Variants in KIF4A observed in about 807,000 individuals in gnomAD.
KIF4A encodes the protein chromosome-associated kinesin KIF4A.
Under a neutral mutation model 105.9 loss-of-function variants are expected in KIF4A, and 7 were observed. That is an observed-to-expected ratio of 0.07 (90% CI 0.04 to 0.12). The LOEUF is 0.12. Ranked by LOEUF, KIF4A falls within the 10% of genes least tolerant of loss-of-function variation. The probability of loss-of-function intolerance (pLI) is 1.00; values close to 1 mark genes in which losing one functional copy is unlikely to be tolerated. For synonymous variants in KIF4A, 281 were observed against 331.3 expected (o/e 0.85, Z 1.65); for missense variants, 558 against 929.2 (o/e 0.60, Z 5.19).
chrX:70,351,304 A>G (rs1211567592), intron 13 of KIF4A, among the ~76,000 whole-genome samples: 1 of 111,430 alleles, frequency 9.0e-6, no homozygotes, highest in Non-Finnish European at 1.9e-5. Context: ...CCATCCCCCA[A>G]CCCTTTCACT....
chrX:70,375,970 A>C, intron 17 of KIF4A, 130 bp from the exon 18 acceptor site: 2 of 434,042 alleles, frequency 4.6e-6, no homozygotes, highest in Non-Finnish European at 8.1e-6. Context: ...CTAATCAGGG[A>C]ATCTGTTGGG....
chrX:70,392,970 T>TA (rs2086243655), intron 20 of KIF4A, among the ~76,000 whole-genome samples: 2 of 107,439 alleles, frequency 1.9e-5, no homozygotes, highest in African/African-American at 6.7e-5. Flanking sequence ...TTTTTTTTTT[T>TA]ACTTCTGCAT....
intron 7 of KIF4A, among the ~76,000 whole-genome samples, chrX:70,311,823 A>G (rs1262069114): frequency 9.1e-6 from 1 of 109,327 alleles, no homozygotes; most frequent in Non-Finnish European, 1.9e-5. Flanking sequence ...TAAAATAGCC[A>G]GGTGTGGTGG....
At chrX:70,396,611 C>A (rs1380858231) in intron 22 of KIF4A, among the ~76,000 whole-genome samples, 1 of 111,285 alleles carries the variant, frequency 9.0e-6, no homozygotes, top group Non-Finnish European at 1.9e-5. Flanking sequence ...AGATGTAGAA[C>A]CAATAACAGA....
intron 7 of KIF4A, among the ~76,000 whole-genome samples, chrX:70,309,146 G>A: frequency 8.9e-6 from 1 of 111,881 alleles, no homozygotes; most frequent in Non-Finnish European, 1.9e-5. Flanking sequence ...GGGTATACAC[G>A]TTTGAGTAAA....
chrX:70,299,262 C>A, intron 5 of KIF4A, 60 bp downstream of exon 5: 1 of 951,099 alleles, frequency 1.1e-6, no homozygotes, highest in South Asian at 2.5e-5. Context: ...TACTAAAGTT[C>A]ACATCCCTTT....
At position 70,352,670 on chromosome X, in the gene KIF4A, C is replaced by T. The variant is rs769162907; in HGVS notation, c.1488+14C>T. The T allele has an allele frequency of 1.8e-4, 202 of 1,143,090 alleles. 1 individual carries two copies. The East Asian group carries it at 6.0e-3, about 34-fold the overall frequency. 94.2% of individuals were successfully genotyped at this position (1,143,090 alleles called of 1,213,427 possible). A position where few individuals can be genotyped will look rare whatever the true frequency, so the allele number is the denominator to read the frequency against. Reference sequence around the variant, plus strand: ...GAGCAAGAAGCCGTAAGTAATTGGCCCCTTTGTGTAGAACCAGGAGCTCTA... The same window carrying T: ...GAGCAAGAAGCCGTAAGTAATTGGCTCCTTTGTGTAGAACCAGGAGCTCTA... On this transcript the variant is annotated intron_variant, in intron 14 of 30. Coordinates refer to ENST00000374403, the MANE Select transcript of KIF4A (RefSeq NM_012310.5).
intron 7 of KIF4A, among the ~76,000 whole-genome samples, chrX:70,316,060 G>T (rs772370326): frequency 9.0e-6 from 1 of 111,474 alleles, no homozygotes. Flanking sequence ...CACCTACTTG[G>T]CTTAAGAACA....
In KIF4A at chrX:70,420,113, C is replaced by T. The variant is rs776704047; in HGVS notation, c.3547C>T (p.Pro1183Ser). The change falls in exon 31 of 31, where the codon CCA becomes TCA. Residue 1183 changes from proline (P) to serine (S), a missense_variant. Physicochemically the swap from Pro to Ser is moderately conservative, Grantham distance 74 (BLOSUM62 -1). Coordinates refer to ENST00000374403, the MANE Select transcript of KIF4A (RefSeq NM_012310.5). Reference protein sequence around the residue: ...VEQVLSKKTPPAPSPFDLPEL... With the variant: ...VEQVLSKKTPSAPSPFDLPEL... ...GCAGGTGCTGTCAAAGAAGACTCCC[C>T]CAGCTCCCTCCCCTTTTGACCTCCC... The T allele has an allele frequency of 4.4e-5, 53 of 1,208,981 alleles. No individual in the cohort carries two copies. The highest frequency in any genetic ancestry group is 3.5e-4 in the South Asian group (20 of 56,672).
intron 5 of KIF4A, among the ~76,000 whole-genome samples, chrX:70,301,004 G>A (rs1434868481): frequency 2.7e-5 from 3 of 111,887 alleles, no homozygotes; most frequent in Non-Finnish European, 3.8e-5. Context: ...AACTAGGCAA[G>A]TAGATGTGTA....
chrX:70,376,893 T>C (rs1486750073), intron 18 of KIF4A, among the ~76,000 whole-genome samples: 2 of 111,675 alleles, frequency 1.8e-5, no homozygotes, highest in East Asian at 5.6e-4. Context: ...CAAACTGTAA[T>C]ATTGAGAAAC....
At chrX:70,292,049 G>A (rs904614198) in intron 3 of KIF4A, among the ~76,000 whole-genome samples, 5 of 111,672 alleles carry the variant, frequency 4.5e-5, no homozygotes, top group Admixed American at 2.9e-4. Flanking sequence ...AATTTCAAAC[G>A]TATAGAATGT....
rs1470975175 is a variant in KIF4A at position 70,373,516 on chromosome X, GTGTGTATGTATATATATA to G, written c.1675-633_1675-616del. Among the ~76,000 whole-genome samples the G allele has an allele frequency of 4.7e-4, 5 of 10,709 alleles. 1 individual carries two copies. The highest frequency in any genetic ancestry group is 8.0e-4 in the Non-Finnish European group (3 of 3,729). 9.3% of individuals were successfully genotyped at this position (10,709 alleles called of 115,157 possible). On this transcript the variant is annotated intron_variant, in intron 15 of 30. Coordinates refer to ENST00000374403, the MANE Select transcript of KIF4A (RefSeq NM_012310.5). ...CTGGGCAACATATATATATACATGT[GTGTGTATGTATATATATA>G]TATATATATATATATATATATACGT...
At chrX:70,290,637 G>T in intron 2 of KIF4A, 54 bp from the exon 3 acceptor site, 1 of 1,206,029 alleles carries the variant, frequency 8.3e-7, no homozygotes, top group Non-Finnish European at 1.1e-6. Flanking sequence ...GTAACGAGGG[G>T]TGTGGTCTTG....
rs1346539087 is a variant in KIF4A at position 70,420,228 on chromosome X, T to G, written c.3662T>G (p.Phe1221Cys). The change falls in exon 31 of 31, where the codon TTC (phenylalanine) becomes TGC (cysteine). Residue 1221 changes from phenylalanine (F) to cysteine (C), a missense_variant. Phe to Cys is a radical substitution (Grantham distance 205). This residue lies in a region of KIF4A where 469 missense variants were observed against 680.4 expected (regional missense o/e 0.69). Transcript: ENST00000374403. ...GCTCTGGCCAGCAACACCAGCTTCTTCTCTGGCTGCTCCCCTATCGAAGAA... is the reference window on the plus strand; with the variant it reads ...GCTCTGGCCAGCAACACCAGCTTCTGCTCTGGCTGCTCCCCTATCGAAGAA... ...KRALASNTSF[F>C]SGCSPIEEEA... 1.7e-6 allele frequency: 2 copies of G among 1,210,351 alleles called. No homozygotes were observed. Among genetic ancestry groups the G allele is most frequent in the Non-Finnish European group, 2.2e-6 (2 of 895,241 alleles).
intron 28 of KIF4A, 138 bp downstream of exon 28, chrX:70,407,213 T>C (rs1477552335): frequency 1.5e-6 from 1 of 655,673 alleles, no homozygotes; most frequent in African/African-American, 2.3e-5. Flanking sequence ...GTTCAAGTAA[T>C]TCTCGTGTCT....
intron 7 of KIF4A, among the ~76,000 whole-genome samples, chrX:70,324,585 G>A (rs926589751): frequency 3.6e-5 from 4 of 110,856 alleles, no homozygotes; most frequent in African/African-American, 1.3e-4. Context: ...TCAGAGATCT[G>A]TCATCTGAAC....
intron 28 of KIF4A, among the ~76,000 whole-genome samples, chrX:70,408,707 A>C (rs1159387849): frequency 8.9e-6 from 1 of 112,462 alleles, no homozygotes; most frequent in Non-Finnish European, 1.9e-5. Context: ...ATCATCAAGA[A>C]TGCAACATAT....
In KIF4A at chrX:70,352,587, T is replaced by C; in HGVS notation, c.1432-13T>C. On this transcript the variant is annotated splice_polypyrimidine_tract_variant and intron_variant, in intron 13 of 30. Transcript: ENST00000374403. Reference sequence around the variant, plus strand: ...CAGACTCTTTCCCTAAACCAAAACATTTGTTACTGCAGGATGAAACTGTTG... The same window carrying C: ...CAGACTCTTTCCCTAAACCAAAACACTTGTTACTGCAGGATGAAACTGTTG... The C allele has an allele frequency of 8.4e-7, 1 of 1,189,505 alleles. No individual in the cohort carries two copies. Among genetic ancestry groups the C allele is most frequent in the Non-Finnish European group, 1.1e-6 (1 of 877,642 alleles).
Sources: gnomAD v4.1 joint callset for allele counts (sites outside exome capture counted in the v4.1 genomes callset) on GRCh38, gnomAD v4.1.1 for gene constraint, gnomAD v4.1.1 regional missense constraint, MANE v1.5 for transcripts, NCBI Gene and HGNC (gene_info 2026-07-23, HGNC 2026-07-21) for gene names.